Variants in PCDHGB4 observed in about 807,000 individuals in gnomAD.
The protein encoded by PCDHGB4 is protocadherin gamma subfamily B, 4, also known as protocadherin gamma-B4.
PCDHGB4 carries 38 observed loss-of-function variants against 60.5 expected under a neutral mutation model. That is an observed-to-expected ratio of 0.63 (90% CI 0.48 to 0.82). The LOEUF (loss-of-function observed/expected upper bound fraction) is 0.82, where lower values mean the gene tolerates loss of function less well. Among genes scored for constraint, PCDHGB4 ranks in the 40% least tolerant of loss-of-function variants. PCDHGB4 has a pLI of 0.00. For synonymous variants in PCDHGB4, 456 were observed against 509.7 expected (o/e 0.89, Z 1.42); for missense variants, 1,109 against 1,209.6 (o/e 0.92, Z 1.23).
At chr5:141,399,255 G>A (rs767281843) in intron 1 of PCDHGB4, 6 of 1,613,892 alleles carry the variant, frequency 3.7e-6, no homozygotes, top group Non-Finnish European at 5.1e-6. Context: ...GGGAAAATGG[G>A]GAGGTTAATT....
Position 141,491,075 on chromosome 5 carries a change from A to G in PCDHGB4, c.2398-3732A>G, listed in dbSNP as rs147291399. ...TGGCTCTCCTACTCACTGTTGCCAC[A>G]GTCCACAGCCCCAGGACTGTTCCTC... is the stretch of plus-strand genomic sequence containing the variant. On this transcript the variant is annotated intron_variant, in intron 1 of 3. Coordinates refer to ENST00000519479, the MANE Select transcript of PCDHGB4 (RefSeq NM_003736.4). This position sits in a 1 kb window ranked among gnomAD's most constrained non-coding sequence, Gnocchi z 6.9. 1.2e-6 allele frequency: 2 copies of G among 1,614,080 alleles called. No individual in the cohort carries two copies. Among genetic ancestry groups the G allele is most frequent in the Non-Finnish European group, 8.5e-7 (1 of 1,180,042 alleles).
In PCDHGB4 at chr5:141,490,506, C is replaced by T. The variant is rs967095367; in HGVS notation, c.2398-4301C>T. ...GGGAGGCCACATCCCACTATATCAT[C>T]GAGCTGCTGGCCAGCGATGCTGGTT... is the stretch of plus-strand genomic sequence containing the variant. On this transcript the variant is annotated intron_variant, in intron 1 of 3. Transcript: ENST00000519479. This position sits in a 1 kb window ranked among gnomAD's most constrained non-coding sequence, Gnocchi z 5.4. The T allele has an allele frequency of 1.2e-5, 19 of 1,614,116 alleles. No homozygotes were observed. The highest frequency in any genetic ancestry group is 2.2e-5 in the South Asian group (2 of 91,088).
chr5:141,391,797 A>G (rs1283933191), intron 1 of PCDHGB4: 1 of 152,180 alleles, frequency 6.6e-6, no homozygotes, highest in African/African-American at 2.4e-5. Context: ...AGTTTTTTAG[A>G]TCAAAGTGTT....
intron 1 of PCDHGB4, among the ~76,000 whole-genome samples, chr5:141,464,442 G>A (rs890758574): frequency 3.3e-5 from 5 of 151,500 alleles, no homozygotes; most frequent in African/African-American, 1.2e-4. Flanking sequence ...TATGTTTGTT[G>A]TTGTTGTTGT....
intron 1 of PCDHGB4, chr5:141,410,046 G>T: frequency 6.2e-7 from 1 of 1,613,174 alleles, no homozygotes; most frequent in Non-Finnish European, 8.5e-7. Context: ...AGTGAGCCCG[G>T]ACTCTTCAGC....
chr5:141,439,716 C>T (rs2098127719), intron 1 of PCDHGB4: 1 of 152,476 alleles, frequency 6.6e-6, no homozygotes, highest in Non-Finnish European at 1.5e-5. Flanking sequence ...CCTAGTTCTA[C>T]AAATTATAAG....
At chr5:141,393,374 T>A (rs11575958) in intron 1 of PCDHGB4, 1 of 1,613,626 alleles carries the variant, frequency 6.2e-7, no homozygotes, top group Admixed American at 1.7e-5. Context: ...CTGGAGACAA[T>A]GGAGCCATAA....
chr5:141,487,040 C>T lies in PCDHGB4; in HGVS notation c.2398-7767C>T, dbSNP rs374574042. The T allele has an allele frequency of 3.7e-6, 6 of 1,614,136 alleles. No homozygotes were observed. Among genetic ancestry groups the T allele is most frequent in the South Asian group, 1.1e-5 (1 of 91,082 alleles). On this transcript the variant is annotated intron_variant, in intron 1 of 3. Transcript: ENST00000519479. This position sits in a 1 kb window ranked among gnomAD's most constrained non-coding sequence, Gnocchi z 5.0. Reference sequence around the variant, plus strand: ...AGATCCCAGCCTGTTTGCAGTCTCTCGATATGCTGGGGAGGTGCGGACGGC... The same window carrying T: ...AGATCCCAGCCTGTTTGCAGTCTCTTGATATGCTGGGGAGGTGCGGACGGC...
At chr5:141,410,995 T>A in intron 1 of PCDHGB4, 1 of 174,388 alleles carries the variant, frequency 5.7e-6, no homozygotes, top group South Asian at 1.4e-4. Flanking sequence ...CTGGGATTAC[T>A]GGTGCCCCTC....
chr5:141,431,736 G>T lies in PCDHGB4; in HGVS notation c.2397+41455G>T. On this transcript the variant is annotated intron_variant, in intron 1 of 3. Transcript: ENST00000519479. The surrounding 1 kb of genome is among the most constrained non-coding windows in gnomAD (Gnocchi z 4.8). ...GAAGTGCAAGCAATGGATAATGCAG[G>T]ATATTCTGCGCGAGCCAAAGTCCTG... 1 of 1,614,218 alleles carries T rather than the reference G, an allele frequency of 6.2e-7. No individual in the cohort carries two copies. The highest frequency in any genetic ancestry group is 8.5e-7 in the Non-Finnish European group (1 of 1,180,046).
intron 1 of PCDHGB4, chr5:141,403,791 A>T: frequency 6.2e-7 from 1 of 1,613,900 alleles, no homozygotes. Context: ...GTGGCATACA[A>T]ATTCTGGAAA....
rs146615755 is a variant in PCDHGB4 at position 141,486,022 on chromosome 5, T to C, written c.2398-8785T>C. The C allele has an allele frequency of 1.2e-6, 2 of 1,614,030 alleles. No homozygotes were observed. Among genetic ancestry groups the C allele is most frequent in the Non-Finnish European group, 1.7e-6 (2 of 1,180,036 alleles). Reference sequence around the variant, plus strand: ...GTAACGTCACCTTTTATTTCAGTGGTCATACCCCTGATCGTGTAAGAAACC... The same window carrying C: ...GTAACGTCACCTTTTATTTCAGTGGCCATACCCCTGATCGTGTAAGAAACC... On this transcript the variant is annotated intron_variant, in intron 1 of 3. Coordinates refer to ENST00000519479, the MANE Select transcript of PCDHGB4 (RefSeq NM_003736.4). The surrounding 1 kb of genome is among the most constrained non-coding windows in gnomAD (Gnocchi z 5.0).
chr5:141,505,486 G>A lies in PCDHGB4; in HGVS notation c.2545+5G>A, dbSNP rs1291166546. The A allele has an allele frequency of 1.8e-5, 29 of 1,614,088 alleles. No homozygotes were observed. The highest frequency in any genetic ancestry group is 2.1e-5 in the Non-Finnish European group (25 of 1,180,018). On this transcript the variant is annotated splice_donor_5th_base_variant and intron_variant, in intron 3 of 3. Transcript: ENST00000519479. ...TGATCTTGGCGTCCGCCAGTGGTAA[G>A]TGGTGTCAGTGTGTGTATGGAAGAG...
At chr5:141,415,024 G>T in intron 1 of PCDHGB4, 1 of 1,613,568 alleles carries the variant, frequency 6.2e-7, no homozygotes, top group Non-Finnish European at 8.5e-7. Flanking sequence ...CAAGGCCAGC[G>T]AGCCGGGACT....
intron 1 of PCDHGB4, chr5:141,408,402 G>A: frequency 1.2e-6 from 2 of 1,614,052 alleles, no homozygotes; most frequent in Non-Finnish European, 1.7e-6. Context: ...CGCAAGCTGC[G>A]AGTGAGCGCG....
At position 141,389,524 on chromosome 5, in the gene PCDHGB4, G is replaced by A; in HGVS notation, c.1640G>A (p.Arg547His). The A allele has an allele frequency of 3.1e-6, 5 of 1,613,146 alleles. No individual in the cohort carries two copies. The highest frequency in any genetic ancestry group is 1.1e-5 in the South Asian group (1 of 91,066). Residue 547 changes from arginine (R) to histidine (H), a missense_variant, in exon 1 of 4, where the codon CGC (arginine) becomes CAC (histidine). By Grantham distance (29) the Arg-to-His change is conservative. Coordinates refer to ENST00000519479, the MANE Select transcript of PCDHGB4 (RefSeq NM_003736.4). Reference protein sequence around the residue: ...SPALSANVSLRVLVDDRNDNA... With the variant: ...SPALSANVSLHVLVDDRNDNA... Reference sequence around the variant, plus strand: ...GCGCTCAGCGCGAACGTGAGCCTGCGCGTGTTAGTGGACGACCGCAACGAC... The same window carrying A: ...GCGCTCAGCGCGAACGTGAGCCTGCACGTGTTAGTGGACGACCGCAACGAC...
intron 1 of PCDHGB4, chr5:141,419,056 T>C (rs2096318283): frequency 6.2e-7 from 1 of 1,613,836 alleles, no homozygotes; most frequent in Non-Finnish European, 8.5e-7. Context: ...CTTCTTCTAA[T>C]AATTACTACA....
rs1226463441 is a variant in PCDHGB4, at chr5:141,432,906, T to A, written c.2397+42625T>A. 6.2e-7 allele frequency: 1 copy of A among 1,614,176 alleles called. No individual in the cohort carries two copies. The highest frequency in any genetic ancestry group is 8.5e-7 in the Non-Finnish European group (1 of 1,180,002). ...GTCATCTTGCTGCTGGCGCTCAGGC[T>A]GCGGCGCTGGCACAAGTCACGCCTG... On this transcript the variant is annotated intron_variant, in intron 1 of 3. Coordinates refer to ENST00000519479, the MANE Select transcript of PCDHGB4 (RefSeq NM_003736.4). The surrounding 1 kb of genome is among the most constrained non-coding windows in gnomAD (Gnocchi z 6.0).
At chr5:141,390,466 G>C (rs753916175) in intron 1 of PCDHGB4, 185 bp downstream of exon 1, 7 of 711,916 alleles carry the variant, frequency 9.8e-6, no homozygotes, top group Admixed American at 3.0e-5. Context: ...AGGAGCAATT[G>C]TGTGGCCCAA....
Sources: gnomAD v4.1 joint callset for allele counts (sites outside exome capture counted in the v4.1 genomes callset) on GRCh38, gnomAD v4.1.1 for gene constraint, Gnocchi (gnomAD v3.1) non-coding constraint, MANE v1.5 for transcripts, NCBI Gene and HGNC (gene_info 2026-07-23, HGNC 2026-07-21) for gene names.